The following RYR3 variants were observed in gnomAD, a reference collection of about 807,000 sequenced individuals.
RYR3 encodes ryanodine receptor 3.
Under a neutral mutation model 584.3 loss-of-function variants are expected in RYR3, and 207 were observed. The ratio of observed to expected loss-of-function variants is 0.35; its 90% CI spans 0.32 to 0.40. The LOEUF (loss-of-function observed/expected upper bound fraction) is 0.40. Among genes scored for constraint, RYR3 ranks in the 10% least tolerant of loss-of-function variants. The pLI is 1.00. For synonymous variants in RYR3, 2,416 were observed against 2,248.5 expected, an observed-to-expected ratio of 1.07 and a Z score of -2.11; for missense variants, 5,616 against 6,089.2, an observed-to-expected ratio of 0.92 and a Z score of 2.59.
intron 95 of RYR3, 48 bp from the exon 96 acceptor site, chr15:33,853,507 T>C (rs1369556468): frequency 6.3e-7 from 1 of 1,594,230 alleles, no homozygotes; most frequent in Non-Finnish European, 8.6e-7. Context: ...TAGAAAATAT[T>C]TGGTGGTGGC....
In RYR3 at chr15:33,841,016, G is replaced by A. The variant is rs116756005; in HGVS notation, c.13037+133G>A. On this transcript the variant is annotated intron_variant, in intron 90 of 103. Coordinates refer to ENST00000634891, the MANE Select transcript of RYR3 (RefSeq NM_001036.6). ...GAGGATCACTTGAACCCAGGACTTC[G>A]AGACCATCCTGGGCAACATAATGAG... 1,666 of 769,198 alleles carry A rather than the reference G, an allele frequency of 2.2e-3. 22 individuals are homozygous for A. The African/African-American group carries it at 0.026, about 12-fold the overall frequency. The allele number at this position is 769,198 out of a possible 1,614,324, so 47.6% of individuals were successfully genotyped here.
chr15:33,429,737 T>C (rs1448882806), intron 1 of RYR3, among the ~76,000 whole-genome samples: 1 of 152,224 alleles, frequency 6.6e-6, no homozygotes, highest in Non-Finnish European at 1.5e-5. Context: ...TAAGCACGTA[T>C]AAGAAAATCA....
chr15:33,820,785 A>C lies in RYR3; in HGVS notation c.10788A>C (p.Glu3596Asp), dbSNP rs200647737. ...KSCQSGEDEEEDEDKEKTFEE... is the reference protein window; with the variant it reads ...KSCQSGEDEEDDEDKEKTFEE... ...GTCAAAGTGGTGAGGATGAAGAAGA[A>C]GATGAAGACAAGGAAAAAACATTCG... Residue 3596 changes from glutamate (E) to aspartate (D), a missense_variant, in exon 78 of 104, where the codon GAA becomes GAC. Physicochemically the swap from Glu to Asp is conservative, Grantham distance 45 (BLOSUM62 2). Transcript: ENST00000634891. The C allele has an allele frequency of 6.2e-7, 1 of 1,604,652 alleles. No individual in the cohort carries two copies. Among genetic ancestry groups the C allele is most frequent in the Non-Finnish European group, 8.5e-7 (1 of 1,175,510 alleles).
At chr15:33,405,940 A>T (rs1352520941) in intron 1 of RYR3, among the ~76,000 whole-genome samples, 1 of 152,202 alleles carries the variant, frequency 6.6e-6, no homozygotes, top group Non-Finnish European at 1.5e-5. Flanking sequence ...GGTGTATATC[A>T]TGGAGAAAAG....
chr15:33,351,342 C>T (rs1186875280), intron 1 of RYR3, among the ~76,000 whole-genome samples: 4 of 152,234 alleles, frequency 2.6e-5, no homozygotes, highest in African/African-American at 9.6e-5. Context: ...CAAGGAGGAA[C>T]TGGTACCATT....
At chr15:33,825,886 C>T (rs535180858) in intron 82 of RYR3, 1 of 522,906 alleles carries the variant, frequency 1.9e-6, no homozygotes, top group South Asian at 2.3e-5. Flanking sequence ...GCTCCCACCA[C>T]CACAGCCAGC....
chr15:33,784,421 C>T (rs1409298152), intron 65 of RYR3, among the ~76,000 whole-genome samples: 1 of 152,242 alleles, frequency 6.6e-6, no homozygotes, highest in Non-Finnish European at 1.5e-5. Context: ...ACCCAATTCA[C>T]TAAACATACA....
rs184866257 is a variant in RYR3, at chr15:33,708,856, G to A, written c.6619+1802G>A. 6.2e-4 allele frequency among the ~76,000 whole-genome samples: 95 copies of A among 152,278 alleles called. No homozygotes were observed. The East Asian group carries it at 0.011, about 18-fold the overall frequency. On this transcript the variant is annotated intron_variant, in intron 43 of 103. Coordinates refer to ENST00000634891, the MANE Select transcript of RYR3 (RefSeq NM_001036.6). ...TGCACGTGGCCCCTGCTGCTGTGTC[G>A]TTCCCCTATTGGCTAGGGTTAGACC...
At chr15:33,700,901 C>T (rs532329983) in intron 41 of RYR3, 76 bp from the exon 42 acceptor site, 47 of 1,011,778 alleles carry the variant, frequency 4.6e-5, no homozygotes, top group African/African-American at 2.5e-4. Flanking sequence ...TGTCCGCTTA[C>T]GTGCACTGCA....
At position 33,649,193 on chromosome 15, in the gene RYR3, T is replaced by C; in HGVS notation, c.4100T>C (p.Val1367Ala). 2 of 1,613,674 alleles carry C rather than the reference T, an allele frequency of 1.2e-6. No homozygotes were observed. The highest frequency in any genetic ancestry group is 1.7e-6 in the Non-Finnish European group (2 of 1,179,854). ...TTTGACCTGAATAAAAACTGCACAG[T>C]GACTGTCACCCTAGGGGATGAAAGA... Reference protein sequence around the residue: ...EKFDLNKNCTVTVTLGDERGR... With the variant: ...EKFDLNKNCTATVTLGDERGR... The change falls in exon 31 of 104, where the codon GTG (valine) becomes GCG (alanine). Residue 1367 changes from valine (V) to alanine (A), a missense_variant. Around this residue, in one of 9 missense-constraint regions of RYR3, gnomAD observed 753 missense variants for 741.0 expected, o/e 1.02. Coordinates refer to ENST00000634891, the MANE Select transcript of RYR3 (RefSeq NM_001036.6).
intron 2 of RYR3, among the ~76,000 whole-genome samples, chr15:33,484,041 A>G (rs894027374): frequency 6.6e-6 from 1 of 152,192 alleles, no homozygotes; most frequent in Non-Finnish European, 1.5e-5. Flanking sequence ...TTATTTATTT[A>G]AATATTTATC....
chr15:33,558,235 A>G (rs1241132319), intron 10 of RYR3, among the ~76,000 whole-genome samples: 4 of 151,806 alleles, frequency 2.6e-5, no homozygotes, highest in African/African-American at 7.3e-5. Context: ...TCCTAATGCT[A>G]TCCCTCCCCC....
At chr15:33,388,161 A>G (rs933189626) in intron 1 of RYR3, among the ~76,000 whole-genome samples, 1 of 152,198 alleles carries the variant, frequency 6.6e-6, no homozygotes, top group African/African-American at 2.4e-5. Flanking sequence ...GGCCACCTGC[A>G]AAAGATCAGG....
intron 42 of RYR3, among the ~76,000 whole-genome samples, chr15:33,704,307 A>C (rs2066526855): frequency 6.6e-6 from 1 of 152,098 alleles, no homozygotes; most frequent in Non-Finnish European, 1.5e-5. Context: ...GAAAGAAAAA[A>C]ATCTGCTGAA....
intron 42 of RYR3, among the ~76,000 whole-genome samples, chr15:33,706,367 A>G (rs1337639214): frequency 6.6e-6 from 1 of 152,150 alleles, no homozygotes; most frequent in Non-Finnish European, 1.5e-5. Context: ...TTCTAGACCC[A>G]CTTAACAATA....
chr15:33,361,016 A>G (rs1974695450), intron 1 of RYR3, among the ~76,000 whole-genome samples: 1 of 152,164 alleles, frequency 6.6e-6, no homozygotes, highest in African/African-American at 2.4e-5. Flanking sequence ...TATTGAGGGA[A>G]AAGCAGATGT....
intron 1 of RYR3, among the ~76,000 whole-genome samples, chr15:33,449,194 C>T (rs907395033): frequency 2.0e-5 from 3 of 152,122 alleles, no homozygotes; most frequent in East Asian, 1.9e-4. Flanking sequence ...GGTGTCAGTG[C>T]GGGCTGTGGT....
chr15:33,842,141 C>A (rs1434999526), intron 91 of RYR3, 106 bp downstream of exon 91: 1 of 1,216,152 alleles, frequency 8.2e-7, no homozygotes, highest in African/African-American at 1.5e-5. Context: ...TACACTTCCT[C>A]CCCTTTCTCA....
chr15:33,567,023 C>A (rs1348534345), intron 12 of RYR3, among the ~76,000 whole-genome samples: 1 of 152,188 alleles, frequency 6.6e-6, no homozygotes, highest in Non-Finnish European at 1.5e-5. Flanking sequence ...ATTAGTTACT[C>A]AGATTGGAGT....
Sources: allele counts gnomAD v4.1 joint callset (sites outside exome capture counted in the v4.1 genomes callset), GRCh38; gene constraint gnomAD v4.1.1; regional missense constraint gnomAD v4.1.1; transcripts MANE v1.5; gene names NCBI Gene and HGNC (gene_info 2026-07-23, HGNC 2026-07-21).